GLIS3: variants seen among roughly 807,000 people sequenced by gnomAD.
GLIS3 encodes the protein zinc finger protein GLIS3.
In GLIS3, 53 loss-of-function variants were observed where a neutral mutation model predicts 78.6. The ratio of observed to expected loss-of-function variants is 0.67; its 90% CI spans 0.54 to 0.85. The LOEUF is 0.85. Among genes scored for constraint, GLIS3 ranks in the 40% least tolerant of loss-of-function variants. The pLI, the probability that GLIS3 is intolerant of heterozygous loss-of-function variation, is 0.00. For synonymous variants in GLIS3, 684 were observed against 509.9 expected (o/e 1.34, Z -4.60); for missense variants, 1,703 against 1,231.1 (o/e 1.38, Z -5.74).
Position 3,879,512 on chromosome 9 carries a change from A to G in GLIS3, c.2212T>C (p.Ser738Pro). The G allele has an allele frequency of 6.2e-7, 1 of 1,613,970 alleles. No individual in the cohort carries two copies. Among genetic ancestry groups the G allele is most frequent in the African/African-American group, 1.3e-5 (1 of 74,964 alleles). Residue 738 changes from serine to proline, a missense_variant, in exon 8 of 11, where the codon TCT becomes CCT. Transcript: ENST00000381971. ...VPPPHPVSHPSPGHNVQGSPH... is the reference protein window; with the variant it reads ...VPPPHPVSHPPPGHNVQGSPH... ...CTCCCCTGTACATTATGTCCTGGAG[A>G]AGGGTGACTGACAGGATGTGGGGGT... is the stretch of plus-strand genomic sequence containing the variant.
At chr9:4,219,576 AAC>A (rs1361800873) in intron 2 of GLIS3, among the ~76,000 whole-genome samples, 1 of 152,190 alleles carries the variant, frequency 6.6e-6, no homozygotes, top group Non-Finnish European at 1.5e-5. Context: ...AAATATTTGG[AAC>A]ACAGTCACAT....
At chr9:4,202,378 C>G (rs955345219) in intron 2 of GLIS3, among the ~76,000 whole-genome samples, 4 of 150,948 alleles carry the variant, frequency 2.6e-5, no homozygotes, top group Non-Finnish European at 5.9e-5. Flanking sequence ...GTCTGGAACT[C>G]CTGACCTTGT....
chr9:4,244,870 C>G (rs1823653520), intron 2 of GLIS3, among the ~76,000 whole-genome samples: 1 of 152,184 alleles, frequency 6.6e-6, no homozygotes, highest in South Asian at 2.1e-4. Context: ...GCCACCATGC[C>G]TGACCACAAG....
chr9:4,352,643 G>C (rs1222123951), upstream of GLIS3, among the ~76,000 whole-genome samples: 1 of 152,236 alleles, frequency 6.6e-6, no homozygotes, highest in Non-Finnish European at 1.5e-5. Context: ...TGTGGGCACA[G>C]ACCTGGTTAG....
chr9:4,106,534 T>A (rs1248471063), intron 4 of GLIS3, among the ~76,000 whole-genome samples: 1 of 152,154 alleles, frequency 6.6e-6, no homozygotes, highest in African/African-American at 2.4e-5. Context: ...GGCAATTTCA[T>A]TTTGTTTGAA....
At chr9:4,428,134 G>C in the GLIS3 span, among the ~76,000 whole-genome samples, 9 of 152,042 alleles carry the variant, frequency 5.9e-5, no homozygotes, top group African/African-American at 1.9e-4. Flanking sequence ...TGGCAATATG[G>C]ACCCCTTAGG....
intron 4 of GLIS3, among the ~76,000 whole-genome samples, chr9:3,982,088 T>G (rs1168452247): frequency 6.6e-6 from 1 of 152,198 alleles, no homozygotes. Flanking sequence ...TCCTTTGCTG[T>G]TTCCACATAG....
chr9:4,404,274 G>A, the GLIS3 span, among the ~76,000 whole-genome samples: 1 of 152,106 alleles, frequency 6.6e-6, no homozygotes, highest in Non-Finnish European at 1.5e-5. Flanking sequence ...AATAATAACT[G>A]GAGACTTCAA....
chr9:4,410,764 G>T, the GLIS3 span, among the ~76,000 whole-genome samples: 1 of 152,138 alleles, frequency 6.6e-6, no homozygotes, highest in African/African-American at 2.4e-5. Flanking sequence ...GCAAAATTTA[G>T]CTCATATTTA....
At chr9:3,855,425 A>C (rs7866992) in intron 9 of GLIS3, 4,006 of 157,966 alleles carry the variant, frequency 0.025, 189 homozygotes, top group African/African-American at 0.089. Context: ...CTCACAAAGA[A>C]GTCTGCACAT....
the GLIS3 span, among the ~76,000 whole-genome samples, chr9:4,379,896 G>T: frequency 5.9e-5 from 9 of 152,138 alleles, no homozygotes; most frequent in Non-Finnish European, 8.8e-5. Context: ...GTATGCATCT[G>T]TATGTGTTTT....
chr9:4,308,185 C>A (rs537961275), intron 4 of GLIS3, among the ~76,000 whole-genome samples: 7 of 152,230 alleles, frequency 4.6e-5, no homozygotes, highest in Admixed American at 4.6e-4. Flanking sequence ...CTTAACCCTG[C>A]CACCACCCAC....
At chr9:3,849,948 C>G (rs1003905258) in intron 9 of GLIS3, among the ~76,000 whole-genome samples, 1 of 151,814 alleles carries the variant, frequency 6.6e-6, no homozygotes, top group Admixed American at 6.6e-5. Context: ...GAAGAGTAAA[C>G]TGCACACTGG....
At chr9:4,280,116 C>G (rs1389178111) in intron 2 of GLIS3, among the ~76,000 whole-genome samples, 1 of 152,212 alleles carries the variant, frequency 6.6e-6, no homozygotes, top group East Asian at 1.9e-4. Flanking sequence ...AACTCCTGGA[C>G]TCAAGTGATC....
At chr9:4,327,535 G>C (rs1241200717) in intron 2 of GLIS3, among the ~76,000 whole-genome samples, 3 of 152,122 alleles carry the variant, frequency 2.0e-5, no homozygotes, top group Non-Finnish European at 2.9e-5. Flanking sequence ...TAAAAGGTGA[G>C]GATGAATTGA....
At chr9:4,039,727 G>T (rs501461) in intron 4 of GLIS3, among the ~76,000 whole-genome samples, 101,214 of 152,130 alleles carry the variant, frequency 0.67, 34,118 homozygotes, top group East Asian at 0.8. Flanking sequence ...CTCTACAATC[G>T]GTCCAGATTC....
At chr9:4,345,530 T>C (rs1159865250) in intron 2 of GLIS3, among the ~76,000 whole-genome samples, 1 of 152,204 alleles carries the variant, frequency 6.6e-6, no homozygotes, top group Non-Finnish European at 1.5e-5. Context: ...TTTAGAATAC[T>C]TATCAAACCC....
chr9:4,407,890 A>G, the GLIS3 span, among the ~76,000 whole-genome samples: 1 of 152,162 alleles, frequency 6.6e-6, no homozygotes, highest in Non-Finnish European at 1.5e-5. Flanking sequence ...ATAATAGAAT[A>G]TATAAGGAGC....
intron 2 of GLIS3, among the ~76,000 whole-genome samples, chr9:4,187,544 T>C (rs1817921733): frequency 6.6e-6 from 1 of 152,236 alleles, no homozygotes; most frequent in Non-Finnish European, 1.5e-5. Flanking sequence ...AAGTCATTGG[T>C]AGCTTGATGG....
Sources: gnomAD v4.1 joint callset for allele counts (sites outside exome capture counted in the v4.1 genomes callset) on GRCh38, gnomAD v4.1.1 for gene constraint, MANE v1.5 for transcripts, NCBI Gene and HGNC (gene_info 2026-07-23, HGNC 2026-07-21) for gene names.